ZPLD1: variants seen among roughly 807,000 people sequenced by gnomAD.
ZPLD1 encodes the protein zona pellucida-like domain-containing protein 1.
A neutral mutation model predicts 47.2 loss-of-function variants in ZPLD1; 34 were observed. The ratio of observed to expected loss-of-function variants is 0.72; its 90% CI spans 0.55 to 0.96. The LOEUF is 0.96. Ranked by LOEUF, ZPLD1 falls within the 40% of genes least tolerant of loss-of-function variation. The probability of loss-of-function intolerance (pLI) is 0.00; values close to 1 mark genes in which losing one functional copy is unlikely to be tolerated. For missense variants in ZPLD1, 512 were observed against 505.8 expected, an observed-to-expected ratio of 1.01 and a Z score of -0.12; for synonymous variants, 176 against 186.2, an observed-to-expected ratio of 0.95 and a Z score of 0.45.
At chr3:102,394,707 TG>T (rs1281030347) in intron 7 of ZPLD1, among the ~76,000 whole-genome samples, 1 of 152,148 alleles carries the variant, frequency 6.6e-6, no homozygotes, top group Non-Finnish European at 1.5e-5. Flanking sequence ...GAACATCACC[TG>T]GTGCTGTGGT....
intron 6 of ZPLD1, among the ~76,000 whole-genome samples, chr3:102,386,006 T>A (rs2107280459): frequency 6.6e-6 from 1 of 152,322 alleles, no homozygotes; most frequent in South Asian, 2.1e-4. Context: ...AGTGGGTTTC[T>A]TCGAACCGGT....
chr3:102,469,165 T>G (rs1458339687), intron 9 of ZPLD1, 30 bp downstream of exon 9: 4 of 1,594,808 alleles, frequency 2.5e-6, no homozygotes, highest in Non-Finnish European at 3.4e-6. Context: ...CATTTTAAGT[T>G]GTTGAATTGA....
At chr3:102,444,310 G>A (rs1018279690) in intron 3 of ZPLD1, among the ~76,000 whole-genome samples, 1 of 152,124 alleles carries the variant, frequency 6.6e-6, no homozygotes, top group Non-Finnish European at 1.5e-5. Context: ...ATTTGCTAAC[G>A]AGAAACAGAT....
rs781467533 is a variant in ZPLD1 at position 102,470,517 on chromosome 3, C to G, written c.1042+15C>G. On this transcript the variant is annotated intron_variant, in intron 10 of 11. Transcript: ENST00000466937. ...TACTCGGAGTGGTAAGTGTGCTCCT[C>G]CTTCTGTATGTAGTAATAGACGGTT... The G allele has an allele frequency of 3.1e-6, 5 of 1,606,100 alleles. No homozygotes were observed. The highest frequency in any genetic ancestry group is 4.3e-6 in the Non-Finnish European group (5 of 1,173,066).
chr3:102,408,325 C>T (rs1706715096), intron 7 of ZPLD1, among the ~76,000 whole-genome samples: 1 of 151,848 alleles, frequency 6.6e-6, no homozygotes, highest in Non-Finnish European at 1.5e-5. Flanking sequence ...AAGACAGTAA[C>T]ACTGAAAAGC....
chr3:102,463,883 C>CAAAAAAAAAA (rs1211126564), intron 7 of ZPLD1, among the ~76,000 whole-genome samples: 1 of 110,210 alleles, frequency 9.1e-6, no homozygotes, highest in Admixed American at 1.0e-4. Flanking sequence ...ATTAAAAATA[C>CAAAAAAAAAA]AAAAAAAAAA....
At chr3:102,394,859 T>C (rs774087526) in intron 7 of ZPLD1, among the ~76,000 whole-genome samples, 12 of 152,162 alleles carry the variant, frequency 7.9e-5, no homozygotes, top group Non-Finnish European at 7.4e-5. Context: ...TAAATTTTGA[T>C]TTGAAGAAGG....
intron 7 of ZPLD1, among the ~76,000 whole-genome samples, chr3:102,413,315 C>T (rs1362730628): frequency 2.6e-5 from 4 of 151,790 alleles, no homozygotes; most frequent in African/African-American, 7.2e-5. Context: ...TTAAGATGGT[C>T]ATAGACACTT....
At chr3:102,470,327 C>A (rs1707660680) in intron 9 of ZPLD1, 67 bp from the exon 10 acceptor site, 2 of 1,234,022 alleles carry the variant, frequency 1.6e-6, no homozygotes, top group African/African-American at 1.5e-5. Context: ...AATCTGCTTT[C>A]CAAATGGCCA....
At chr3:102,395,953 C>A (rs1483444102) in intron 7 of ZPLD1, among the ~76,000 whole-genome samples, 4 of 152,082 alleles carry the variant, frequency 2.6e-5, no homozygotes, top group African/African-American at 7.2e-5. Flanking sequence ...GTATTTTGGT[C>A]TTGACATGCT....
At chr3:102,430,821 T>C (rs1030270591), upstream of ZPLD1, among the ~76,000 whole-genome samples, 45 of 152,332 alleles carry the variant, frequency 3.0e-4, no homozygotes, top group Admixed American at 2.4e-3. Flanking sequence ...ATTTTTATTC[T>C]GATGTAATAA....
chr3:102,458,401 A>T (rs1293461024), intron 6 of ZPLD1, among the ~76,000 whole-genome samples: 1 of 152,180 alleles, frequency 6.6e-6, no homozygotes, highest in East Asian at 1.9e-4. Context: ...AAACGTGAAA[A>T]ATACATGGAT....
At chr3:102,440,775 T>G (rs917375518) in intron 3 of ZPLD1, among the ~76,000 whole-genome samples, 6 of 142,344 alleles carry the variant, frequency 4.2e-5, no homozygotes, top group South Asian at 2.3e-4. Context: ...GAGCCAGGAA[T>G]TGAAAGAAAA....
chr3:102,477,355 T>C (rs1707773376), intron 11 of ZPLD1, 88 bp from the exon 12 acceptor site: 2 of 1,320,776 alleles, frequency 1.5e-6, no homozygotes, highest in South Asian at 1.4e-5. Flanking sequence ...GAGATGCTGA[T>C]GAAAGATGTT....
chr3:102,394,492 C>T (rs1265764938), intron 7 of ZPLD1, among the ~76,000 whole-genome samples: 3 of 151,960 alleles, frequency 2.0e-5, no homozygotes, highest in Non-Finnish European at 4.4e-5. Context: ...TTAAAAGTTT[C>T]ATTGACATAG....
rs1474451267 is a variant in ZPLD1, at chr3:102,453,083, G to A, written c.271G>A (p.Val91Met). ...CATCAATAACAACACCTTTCCAGCA[G>A]TGGTCATTTTTATCATCAATCTCAG... ...GFINNNTFPAVVIFIINLSTL... is the reference protein window; with the variant it reads ...GFINNNTFPAMVIFIINLSTL... The change falls in exon 4 of 12, where the codon GTG becomes ATG. Residue 91 changes from valine to methionine, a missense_variant. Physicochemically the swap from Val to Met is conservative, Grantham distance 21. Transcript: ENST00000466937. The A allele has an allele frequency of 3.7e-6, 6 of 1,613,970 alleles. No individual in the cohort carries two copies. The Admixed American group carries it at 8.3e-5, about 22-fold the overall frequency.
upstream of ZPLD1, among the ~76,000 whole-genome samples, chr3:102,431,506 C>T (rs998232581): frequency 4.7e-4 from 72 of 152,166 alleles, no homozygotes; most frequent in African/African-American, 1.6e-3. Context: ...TATGTTGACT[C>T]TAATGTGCAA....
chr3:102,470,527 G>A (rs1159924308), intron 10 of ZPLD1, 25 bp downstream of exon 10: 2 of 1,594,846 alleles, frequency 1.3e-6, no homozygotes, highest in Non-Finnish European at 1.7e-6. Context: ...CCTTCTGTAT[G>A]TAGTAATAGA....
chr3:102,416,169 TG>T (rs1389264474), intron 7 of ZPLD1, among the ~76,000 whole-genome samples: 2 of 151,952 alleles, frequency 1.3e-5, no homozygotes, highest in Non-Finnish European at 2.9e-5. Flanking sequence ...GTGGGATGTA[TG>T]ACATTGTTGT....
Sources: allele counts gnomAD v4.1 joint callset (sites outside exome capture counted in the v4.1 genomes callset), GRCh38; gene constraint gnomAD v4.1.1; transcripts MANE v1.5; gene names NCBI Gene and HGNC (gene_info 2026-07-23, HGNC 2026-07-21).